The following RBFOX1 variants were observed in gnomAD, a reference collection of about 807,000 sequenced individuals.
The protein encoded by RBFOX1 is RNA binding protein fox-1 homolog 1.
In RBFOX1, 8 loss-of-function variants were observed where a neutral mutation model predicts 57.7. That is an observed-to-expected ratio of 0.14 (90% CI 0.08 to 0.25). The LOEUF (loss-of-function observed/expected upper bound fraction) is 0.25. Ranked by LOEUF, RBFOX1 falls within the 10% of genes least tolerant of loss-of-function variation. The pLI is 1.00. For synonymous variants in RBFOX1, 326 were observed against 222.4 expected (o/e 1.47, Z -4.15); for missense variants, 611 against 548.5 (o/e 1.11, Z -1.14).
At chr16:5,970,403 A>C (rs1430883613) in intron 4 of RBFOX1, among the ~76,000 whole-genome samples, 1 of 151,978 alleles carries the variant, frequency 6.6e-6, no homozygotes, top group Non-Finnish European at 1.5e-5. Flanking sequence ...TGGCTTGCTT[A>C]TGGTCATTTT....
intron 4 of RBFOX1, among the ~76,000 whole-genome samples, chr16:6,005,746 A>G (rs1033399038): frequency 2.6e-5 from 4 of 152,212 alleles, no homozygotes; most frequent in Admixed American, 6.5e-5. Context: ...AGATATTTAC[A>G]CAATTTGTTA....
intron 2 of RBFOX1, among the ~76,000 whole-genome samples, chr16:6,421,214 C>A (rs1235764752): frequency 6.6e-6 from 1 of 152,148 alleles, no homozygotes; most frequent in African/African-American, 2.4e-5. Context: ...GAGATTACAT[C>A]CTCTCCTTCG....
intron 4 of RBFOX1, among the ~76,000 whole-genome samples, chr16:5,950,419 C>G (rs962059644): frequency 4.6e-5 from 7 of 152,190 alleles, no homozygotes; most frequent in African/African-American, 1.4e-4. Flanking sequence ...GTCACATTGG[C>G]AGTTCCACAT....
intron 3 of RBFOX1, among the ~76,000 whole-genome samples, chr16:7,009,276 C>G (rs1398206553): frequency 7.1e-6 from 1 of 141,402 alleles, no homozygotes; most frequent in Admixed American, 7.2e-5. Flanking sequence ...CTCTTCTTCT[C>G]TCTTTTCTCT....
intron 9 of RBFOX1, among the ~76,000 whole-genome samples, chr16:7,605,921 C>G (rs1004495820): frequency 2.0e-5 from 3 of 152,034 alleles, no homozygotes; most frequent in African/African-American, 7.2e-5. Context: ...TCACTGCAAC[C>G]TCTGACTCCC....
intron 2 of RBFOX1, among the ~76,000 whole-genome samples, chr16:6,613,399 G>A (rs543203835): frequency 7.4e-4 from 112 of 152,164 alleles, no homozygotes; most frequent in African/African-American, 2.6e-3. Context: ...GGACAAAGCG[G>A]GGGAATGATT....
intron 3 of RBFOX1, among the ~76,000 whole-genome samples, chr16:6,852,229 G>C (rs1479058344): frequency 6.6e-6 from 1 of 152,140 alleles, no homozygotes; most frequent in Non-Finnish European, 1.5e-5. Context: ...CTTCTAGCTT[G>C]TAGTGGCTAC....
intron 1 of RBFOX1, among the ~76,000 whole-genome samples, chr16:5,460,412 AAGGGACTTGT>A (rs773606470): frequency 6.6e-4 from 101 of 152,302 alleles, no homozygotes; most frequent in Admixed American, 2.4e-3. Context: ...CTCATATTTT[AAGGGACTTGT>A]AAGTTTCCTT....
chr16:6,027,666 A>G (rs1267321719), intron 1 of RBFOX1, among the ~76,000 whole-genome samples: 2 of 152,222 alleles, frequency 1.3e-5, no homozygotes, highest in Non-Finnish European at 2.9e-5. Context: ...GCTGACTATG[A>G]TAATCATGAC....
At chr16:5,451,469 T>C (rs1440323001) in intron 1 of RBFOX1, among the ~76,000 whole-genome samples, 1 of 152,170 alleles carries the variant, frequency 6.6e-6, no homozygotes, top group Non-Finnish European at 1.5e-5. Flanking sequence ...CAACCCTGCC[T>C]TTGAATGATT....
chr16:6,076,211 A>G (rs914648507), intron 1 of RBFOX1, among the ~76,000 whole-genome samples: 2 of 151,850 alleles, frequency 1.3e-5, no homozygotes, highest in Admixed American at 6.6e-5. Flanking sequence ...AGGCAGGAGA[A>G]TTGCTTGAAC....
At chr16:6,618,760 C>T (rs1601694721) in intron 2 of RBFOX1, among the ~76,000 whole-genome samples, 1 of 152,248 alleles carries the variant, frequency 6.6e-6, no homozygotes, top group South Asian at 2.1e-4. Context: ...TCATGGTAAA[C>T]ATTCCAAAGA....
At chr16:7,115,873 G>A (rs991677453) in intron 4 of RBFOX1, among the ~76,000 whole-genome samples, 2 of 152,162 alleles carry the variant, frequency 1.3e-5, no homozygotes, top group African/African-American at 4.8e-5. Context: ...GCCTACGCTG[G>A]GGAGCACTGA....
chr16:7,162,035 G>C (rs1464569927), intron 4 of RBFOX1, among the ~76,000 whole-genome samples: 1 of 152,184 alleles, frequency 6.6e-6, no homozygotes, highest in Admixed American at 6.5e-5. Context: ...GACATTTACT[G>C]TAACAAGAGC....
chr16:6,334,385 G>A (rs1040569872), intron 2 of RBFOX1, among the ~76,000 whole-genome samples: 2 of 151,726 alleles, frequency 1.3e-5, no homozygotes, highest in Non-Finnish European at 1.5e-5. Flanking sequence ...GTGTGCGCCT[G>A]TAGTCCCAGC....
intron 2 of RBFOX1, among the ~76,000 whole-genome samples, chr16:5,470,125 C>T (rs2069084375): frequency 6.6e-6 from 1 of 152,222 alleles, no homozygotes; most frequent in Non-Finnish European, 1.5e-5. Flanking sequence ...GGGTTTCTCC[C>T]AGAGCTCCCA....
At chr16:5,828,037 G>T (rs13334771) in intron 3 of RBFOX1, among the ~76,000 whole-genome samples, 2 of 147,232 alleles carry the variant, frequency 1.4e-5, no homozygotes, top group African/African-American at 5.0e-5. Flanking sequence ...GTCCATCCAT[G>T]TATCCATCCA....
At chr16:7,309,754 C>T (rs757134542) in intron 4 of RBFOX1, among the ~76,000 whole-genome samples, 7 of 152,120 alleles carry the variant, frequency 4.6e-5, no homozygotes, top group East Asian at 1.9e-4. Context: ...TGGAAGGGAA[C>T]GAAATTGCAG....
chr16:6,554,440 G>C (rs78007139), intron 2 of RBFOX1, among the ~76,000 whole-genome samples: 3 of 152,062 alleles, frequency 2.0e-5, no homozygotes, highest in Non-Finnish European at 4.4e-5. Context: ...TAAAAAAAAA[G>C]TTCTAAAATT....
Sources: gnomAD v4.1 joint callset for allele counts (sites outside exome capture counted in the v4.1 genomes callset) on GRCh38, gnomAD v4.1.1 for gene constraint, MANE v1.5 for transcripts, NCBI Gene and HGNC (gene_info 2026-07-23, HGNC 2026-07-21) for gene names.